MAGI2: variants seen among roughly 807,000 people sequenced by gnomAD.
MAGI2 encodes the protein membrane-associated guanylate kinase, WW and PDZ domain-containing protein 2.
A neutral mutation model predicts 133.3 loss-of-function variants in MAGI2; 35 were observed. The observed-to-expected ratio is 0.26, with a 90% CI of 0.20 to 0.35. The LOEUF (loss-of-function observed/expected upper bound fraction) is 0.35. MAGI2 is among the 10% of genes least tolerant of loss of function. MAGI2 has a pLI of 1.00. For missense variants in MAGI2, 1,636 were observed against 1,863.4 expected, an observed-to-expected ratio of 0.88 and a Z score of 2.25; for synonymous variants, 729 against 710.6, an observed-to-expected ratio of 1.03 and a Z score of -0.41.
At chr7:78,546,964 A>C (rs372706041) in intron 3 of MAGI2, among the ~76,000 whole-genome samples, 2 of 152,236 alleles carry the variant, frequency 1.3e-5, no homozygotes, top group African/African-American at 4.8e-5. Flanking sequence ...GACTTGAAGT[A>C]TTAACAAAGG....
At chr7:78,647,231 A>T (rs1810992359) in intron 2 of MAGI2, among the ~76,000 whole-genome samples, 1 of 152,120 alleles carries the variant, frequency 6.6e-6, no homozygotes, top group African/African-American at 2.4e-5. Context: ...ATGGGAGAAA[A>T]TTTTTGCAAT....
At chr7:78,528,015 A>C (rs1471496268) in intron 3 of MAGI2, among the ~76,000 whole-genome samples, 1 of 152,176 alleles carries the variant, frequency 6.6e-6, no homozygotes, top group East Asian at 1.9e-4. Flanking sequence ...GGTAAATGGA[A>C]AGAATGAATT....
intron 2 of MAGI2, among the ~76,000 whole-genome samples, chr7:78,740,503 G>A (rs6948028): frequency 0.015 from 2,354 of 152,262 alleles, 60 homozygotes; most frequent in African/African-American, 0.051. Flanking sequence ...ATACAGAAGC[G>A]ATGGTACTTG....
intron 2 of MAGI2, among the ~76,000 whole-genome samples, chr7:78,858,303 T>C (rs1384104137): frequency 3.3e-5 from 5 of 152,184 alleles, no homozygotes; most frequent in East Asian, 1.9e-4. Context: ...AGCTTTTGAA[T>C]GGTTTGCTCT....
intron 4 of MAGI2, among the ~76,000 whole-genome samples, chr7:78,507,506 G>A (rs1017110808): frequency 6.6e-6 from 1 of 152,146 alleles, no homozygotes; most frequent in African/African-American, 2.4e-5. Context: ...TGGGCAGAGT[G>A]AGTAAAAGAG....
At chr7:79,387,791 C>A (rs1844297074) in intron 1 of MAGI2, among the ~76,000 whole-genome samples, 1 of 151,534 alleles carries the variant, frequency 6.6e-6, no homozygotes, top group Admixed American at 6.6e-5. Flanking sequence ...TGCCTTCCTT[C>A]TTTATTTCTT....
chr7:79,220,312 C>T (rs180686568), intron 1 of MAGI2, among the ~76,000 whole-genome samples: 11 of 152,028 alleles, frequency 7.2e-5, no homozygotes, highest in South Asian at 4.2e-4. Context: ...AACTACCTCA[C>T]GGACAGCCTT....
intron 21 of MAGI2, among the ~76,000 whole-genome samples, chr7:78,048,208 A>G (rs1039135017): frequency 6.6e-6 from 1 of 152,208 alleles, no homozygotes. Flanking sequence ...GGACATTATG[A>G]TGTCCTCACT....
At chr7:78,058,619 C>A (rs1235165418) in intron 21 of MAGI2, among the ~76,000 whole-genome samples, 1 of 152,044 alleles carries the variant, frequency 6.6e-6, no homozygotes, top group Non-Finnish European at 1.5e-5. Context: ...CTACAGGCGC[C>A]TGCCACCACG....
At chr7:79,095,300 T>C (rs1324126718) in intron 1 of MAGI2, among the ~76,000 whole-genome samples, 1 of 152,212 alleles carries the variant, frequency 6.6e-6, no homozygotes, top group Non-Finnish European at 1.5e-5. Context: ...GTCCAGATCA[T>C]TCCAAATTTC....
intron 1 of MAGI2, among the ~76,000 whole-genome samples, chr7:79,097,903 C>T (rs181145857): frequency 4.4e-4 from 67 of 152,260 alleles, no homozygotes; most frequent in Admixed American, 1.2e-3. Flanking sequence ...GGGCAGATCA[C>T]TTGAGGTCAG....
At chr7:78,488,156 T>A (rs1302056612) in intron 6 of MAGI2, among the ~76,000 whole-genome samples, 1 of 152,040 alleles carries the variant, frequency 6.6e-6, no homozygotes, top group Non-Finnish European at 1.5e-5. Flanking sequence ...TTACAAATCA[T>A]CCTGATCTAT....
chr7:79,078,282 C>T (rs867287536), intron 1 of MAGI2, among the ~76,000 whole-genome samples: 16 of 109,000 alleles, frequency 1.5e-4, no homozygotes, highest in African/African-American at 4.6e-4. Flanking sequence ...TGAATACAAA[C>T]CGATTCCATA....
At chr7:78,346,139 C>T (rs1397976428) in intron 7 of MAGI2, 96 bp from the exon 8 acceptor site, 33 of 1,389,514 alleles carry the variant, frequency 2.4e-5, no homozygotes, top group Non-Finnish European at 3.3e-5. Flanking sequence ...TTAAGGGCCA[C>T]CTTATCTGAT....
chr7:78,684,656 A>T (rs1309247811), intron 2 of MAGI2, among the ~76,000 whole-genome samples: 1 of 152,184 alleles, frequency 6.6e-6, no homozygotes, highest in Non-Finnish European at 1.5e-5. Context: ...GTGAGTGGAT[A>T]GCTGAGGAAT....
intron 6 of MAGI2, among the ~76,000 whole-genome samples, chr7:78,453,824 C>T (rs968350675): frequency 8.5e-5 from 13 of 152,122 alleles, no homozygotes; most frequent in African/African-American, 2.2e-4. Context: ...AATGTAATCC[C>T]TTTAACATGA....
chr7:78,190,853 C>T (rs10263544), intron 12 of MAGI2, among the ~76,000 whole-genome samples: 101,370 of 152,106 alleles, frequency 0.67, 33,813 homozygotes, highest in East Asian at 0.81. Flanking sequence ...ATGAGATTCT[C>T]GGGAAAAAGA....
At chr7:78,395,137 C>T (rs879266335) in intron 6 of MAGI2, among the ~76,000 whole-genome samples, 7 of 152,280 alleles carry the variant, frequency 4.6e-5, no homozygotes, top group Non-Finnish European at 8.8e-5. Flanking sequence ...GTCTTTCCTT[C>T]AACTTTAGAG....
intron 14 of MAGI2, among the ~76,000 whole-genome samples, chr7:78,174,660 T>C (rs907729420): frequency 1.3e-5 from 2 of 152,176 alleles, no homozygotes; most frequent in African/African-American, 4.8e-5. Flanking sequence ...CCTTTGACCA[T>C]ACCTGATGGT....
Sources: gnomAD v4.1 joint callset for allele counts (sites outside exome capture counted in the v4.1 genomes callset) on GRCh38, gnomAD v4.1.1 for gene constraint, MANE v1.5 for transcripts, NCBI Gene and HGNC (gene_info 2026-07-23, HGNC 2026-07-21) for gene names.